ATG4A: variants seen among roughly 807,000 people sequenced by gnomAD.
The protein encoded by ATG4A is cysteine protease ATG4A.
A neutral mutation model predicts 38.4 loss-of-function variants in ATG4A; 22 were observed. That is an observed-to-expected ratio of 0.57 (90% CI 0.41 to 0.82). The LOEUF is 0.82. Ranked by LOEUF, ATG4A falls within the 40% of genes least tolerant of loss-of-function variation. The probability of loss-of-function intolerance (pLI) is 0.00; values close to 1 mark genes in which losing one functional copy is unlikely to be tolerated. For missense variants in ATG4A, 220 were observed against 290.0 expected (o/e 0.76, Z 1.75); for synonymous variants, 86 against 100.7 (o/e 0.85, Z 0.88).
chrX:108,104,694 G>C (rs908937718), intron 1 of ATG4A, among the ~76,000 whole-genome samples: 1 of 111,357 alleles, frequency 9.0e-6, no homozygotes, highest in Non-Finnish European at 1.9e-5. Context: ...TCCTTTCCCA[G>C]ATTTGACACA....
intron 2 of ATG4A, 69 bp from the exon 3 acceptor site, chrX:108,128,712 C>A (rs1164570222): frequency 2.9e-6 from 2 of 685,886 alleles, no homozygotes; most frequent in African/African-American, 4.5e-5. Context: ...AAGTTAGTAG[C>A]TGGCTCAGAA....
intron 6 of ATG4A, among the ~76,000 whole-genome samples, chrX:108,136,890 A>G (rs969428251): frequency 1.4e-4 from 16 of 111,785 alleles, no homozygotes; most frequent in Non-Finnish European, 1.9e-5. Context: ...AGGTTCAGAT[A>G]CAGTGACTCT....
At chrX:108,140,394 C>A (rs1175278185) in intron 9 of ATG4A, among the ~76,000 whole-genome samples, 3 of 110,530 alleles carry the variant, frequency 2.7e-5, no homozygotes, top group African/African-American at 6.6e-5. Context: ...CCCTCTGACT[C>A]CCCTTTTCTG....
At chrX:108,093,687 A>G (rs1035657646) in intron 1 of ATG4A, among the ~76,000 whole-genome samples, 37 of 112,345 alleles carry the variant, frequency 3.3e-4, no homozygotes, top group Non-Finnish European at 1.1e-4. Context: ...TCCACTAGCA[A>G]TGTATGAGAG....
chrX:108,105,423 G>A (rs1212308676), intron 1 of ATG4A, among the ~76,000 whole-genome samples: 1 of 110,510 alleles, frequency 9.0e-6, no homozygotes, highest in Non-Finnish European at 1.9e-5. Context: ...AAGTTTTCTG[G>A]TTCTATATCA....
intron 1 of ATG4A, among the ~76,000 whole-genome samples, chrX:108,109,992 T>A (rs1326674709): frequency 9.0e-6 from 1 of 110,924 alleles, no homozygotes; most frequent in Non-Finnish European, 1.9e-5. Flanking sequence ...GAATTTTCCT[T>A]TTCTTAAATT....
At chrX:108,124,609 G>T (rs1257690158) in intron 1 of ATG4A, among the ~76,000 whole-genome samples, 2 of 110,427 alleles carry the variant, frequency 1.8e-5, no homozygotes, top group East Asian at 5.7e-4. Flanking sequence ...GCACCACCAT[G>T]CCCAGCTAAT....
chrX:108,151,935 T>C, intron 11 of ATG4A, 77 bp downstream of exon 11: 1 of 942,375 alleles, frequency 1.1e-6, no homozygotes, highest in South Asian at 2.5e-5. Context: ...TTTTTCATAG[T>C]AAAAAAAAAT....
At chrX:108,130,979 T>C (rs967914738) in intron 3 of ATG4A, among the ~76,000 whole-genome samples, 1 of 111,605 alleles carries the variant, frequency 9.0e-6, no homozygotes, top group African/African-American at 3.3e-5. Flanking sequence ...CTACCAAAAT[T>C]GCATGTATAC....
chrX:108,132,190 C>T (rs931631174), intron 4 of ATG4A, among the ~76,000 whole-genome samples: 4 of 112,077 alleles, frequency 3.6e-5, no homozygotes, highest in Non-Finnish European at 5.6e-5. Context: ...TGAGCTACCG[C>T]GCCTGGCTGG....
rs778703485 is a variant in ATG4A at position 108,134,343 on chromosome X, A to G, written c.399A>G (p.Gln133=). ...TTTTTTCCACATTAAAAACAGCACA[A>G]ATGGGTGTAGGAGAAGGGAAATCAA... The part of the protein sequence containing the change: ...DCCYSIHQMA[Q]MGVGEGKSIG... Residue 133 remains glutamine (Q), a synonymous_variant, in exon 6 of 13, where the codon CAA becomes CAG. Transcript: ENST00000372232. 18 of 1,208,678 alleles carry G rather than the reference A, an allele frequency of 1.5e-5. 1 individual carries two copies. The highest frequency in any genetic ancestry group is 1.8e-5 in the Non-Finnish European group (16 of 894,445).
intron 9 of ATG4A, among the ~76,000 whole-genome samples, chrX:108,149,226 T>G (rs1209085715): frequency 8.9e-6 from 1 of 112,643 alleles, no homozygotes; most frequent in Non-Finnish European, 1.9e-5. Context: ...AGCAGGTAGA[T>G]CTCTCCTTGC....
At chrX:108,096,461 C>T (rs747283304) in intron 1 of ATG4A, among the ~76,000 whole-genome samples, 1 of 111,527 alleles carries the variant, frequency 9.0e-6, no homozygotes, top group Non-Finnish European at 1.9e-5. Context: ...AAATACTTCT[C>T]TAGTTGATTA....
rs184203394 is a variant in ATG4A, at chrX:108,139,387, C to T, written c.814+1196C>T. On this transcript the variant is annotated intron_variant, in intron 9 of 12. Coordinates refer to ENST00000372232, the MANE Select transcript of ATG4A (RefSeq NM_052936.5). Reference sequence around the variant, plus strand: ...TCATCAAAGAGCCAGGCATATAGGACAGTCACTGAAAGGTGGCTGCACCTT... The same window carrying T: ...TCATCAAAGAGCCAGGCATATAGGATAGTCACTGAAAGGTGGCTGCACCTT... Among the ~76,000 whole-genome samples the T allele has an allele frequency of 1.4e-4, 16 of 112,435 alleles. No individual in the cohort carries two copies. In the East Asian group the frequency reaches 4.2e-3, roughly 29 times the overall value.
intron 9 of ATG4A, among the ~76,000 whole-genome samples, chrX:108,142,119 G>A (rs1394416579): frequency 1.8e-5 from 2 of 111,728 alleles, no homozygotes; most frequent in African/African-American, 6.5e-5. Flanking sequence ...GCTTGTGGCA[G>A]CTTGTGGCCA....
intron 1 of ATG4A, among the ~76,000 whole-genome samples, chrX:108,111,358 C>T (rs1452350152): frequency 8.9e-6 from 1 of 112,611 alleles, no homozygotes; most frequent in Admixed American, 9.4e-5. Context: ...AATTGCTGCC[C>T]ATGCCAGAGG....
At chrX:108,089,324 T>C (rs868372744), upstream of ATG4A, among the ~76,000 whole-genome samples, 10 of 111,319 alleles carry the variant, frequency 9.0e-5, no homozygotes, top group Non-Finnish European at 1.3e-4. Context: ...AATGGTGAAG[T>C]TGGGGCACAA....
chrX:108,152,290 A>G (rs1214972465), intron 11 of ATG4A, among the ~76,000 whole-genome samples: 1 of 111,418 alleles, frequency 9.0e-6, no homozygotes, highest in Non-Finnish European at 1.9e-5. Context: ...GCTGGAGTGC[A>G]GTGGCGGGAT....
intron 6 of ATG4A, among the ~76,000 whole-genome samples, chrX:108,136,241 T>G (rs1029378538): frequency 9.0e-6 from 1 of 111,359 alleles, no homozygotes; most frequent in Non-Finnish European, 1.9e-5. Flanking sequence ...AACCTCTTTC[T>G]GGGAGCTACC....
Sources: allele counts gnomAD v4.1 joint callset (sites outside exome capture counted in the v4.1 genomes callset), GRCh38; gene constraint gnomAD v4.1.1; transcripts MANE v1.5; gene names NCBI Gene and HGNC (gene_info 2026-07-23, HGNC 2026-07-21).